The following PLCB1 variants were observed in gnomAD, a reference collection of about 807,000 sequenced individuals.
The protein encoded by PLCB1 is 1-phosphatidylinositol 4,5-bisphosphate phosphodiesterase beta-1.
PLCB1 carries 46 observed loss-of-function variants against 161.8 expected under a neutral mutation model. The ratio of observed to expected loss-of-function variants is 0.28; its 90% CI spans 0.22 to 0.36. The LOEUF is 0.36. PLCB1 is among the 10% of genes least tolerant of loss of function. The pLI is 1.00. For synonymous variants in PLCB1, 517 were observed against 503.7 expected (o/e 1.03, Z -0.35); for missense variants, 1,016 against 1,472.5 (o/e 0.69, Z 5.07).
chr20:8,481,720 CTCTGTCCT>C (rs1982504862), intron 3 of PLCB1, among the ~76,000 whole-genome samples: 2 of 152,174 alleles, frequency 1.3e-5, no homozygotes, highest in Admixed American at 6.5e-5. Flanking sequence ...CTCTGTCCTT[CTCTGTCCT>C]TCACCTGAAT....
In PLCB1 at chr20:8,275,250, A is replaced by AGTGTGTGTGTGTGT. The variant is rs3031931; in HGVS notation, c.178-96108_178-96095dup. Among the ~76,000 whole-genome samples, 416 of 145,454 alleles carry AGTGTGTGTGTGTGT rather than the reference A, an allele frequency of 2.9e-3. 3 individuals are homozygous for AGTGTGTGTGTGTGT. The highest frequency in any genetic ancestry group is 6.5e-3 in the African/African-American group (253 of 39,036). On this transcript the variant is annotated intron_variant, in intron 2 of 31. Transcript: ENST00000338037. ...ACCAGGTTTGCTTTGCATCAGCGTG[A>AGTGTGTGTGTGTGT]GTGTGTGTGTGTGTGTGTGTGTGTG...
intron 3 of PLCB1, among the ~76,000 whole-genome samples, chr20:8,433,977 C>T (rs903362865): frequency 6.6e-6 from 1 of 151,578 alleles, no homozygotes; most frequent in African/African-American, 2.4e-5. Context: ...TTGTTTTTTG[C>T]CCTTATTACC....
intron 3 of PLCB1, among the ~76,000 whole-genome samples, chr20:8,524,752 T>A (rs1984514048): frequency 6.6e-6 from 1 of 152,182 alleles, no homozygotes; most frequent in Non-Finnish European, 1.5e-5. Context: ...GTTTTGTTTG[T>A]ATGAAAAGTG....
At chr20:8,165,146 G>A (rs1342853920) in intron 2 of PLCB1, among the ~76,000 whole-genome samples, 2 of 152,180 alleles carry the variant, frequency 1.3e-5, no homozygotes, top group Non-Finnish European at 2.9e-5. Flanking sequence ...TAATTTTAGT[G>A]GCTTCTAGCC....
intron 5 of PLCB1, among the ~76,000 whole-genome samples, chr20:8,646,976 C>T (rs1164104457): frequency 6.6e-6 from 1 of 152,188 alleles, no homozygotes; most frequent in Non-Finnish European, 1.5e-5. Flanking sequence ...AAGACATACC[C>T]ATCATTCCAG....
In PLCB1 at chr20:8,765,336, G is replaced by T. The variant is rs763567304; in HGVS notation, c.2908G>T (p.Ala970Ser). 2.5e-6 allele frequency: 4 copies of T among 1,610,040 alleles called. No individual in the cohort carries two copies. In the South Asian group the frequency reaches 4.5e-5, roughly 18 times the overall value. The change falls in exon 26 of 32, where the codon GCC (alanine) becomes TCC (serine). Residue 970 changes from alanine to serine, a missense_variant. Coordinates refer to ENST00000338037, the MANE Select transcript of PLCB1 (RefSeq NM_015192.4). The part of the protein sequence containing the change: ...LRRRAALEKS[A>S]KKDSKKKSEP... The stretch of plus-strand genomic sequence containing the variant: ...AAGGAGAGCCGCTTTGGAAAAGTCC[G>T]CCAAAAAGGACAGTAAGAAAAAGTA...
intron 3 of PLCB1, among the ~76,000 whole-genome samples, chr20:8,528,394 G>T (rs1481744634): frequency 6.6e-6 from 1 of 152,074 alleles, no homozygotes; most frequent in African/African-American, 2.4e-5. Context: ...TCTAAAAAAA[G>T]TTGAATGAAA....
intron 4 of PLCB1, among the ~76,000 whole-genome samples, chr20:8,638,954 G>C (rs1988854584): frequency 1.3e-5 from 2 of 149,556 alleles, no homozygotes; most frequent in South Asian, 4.2e-4. Context: ...TTTAATTTGT[G>C]TTTTGTTCAG....
At chr20:8,443,959 C>A (rs766920480) in intron 3 of PLCB1, among the ~76,000 whole-genome samples, 2 of 152,130 alleles carry the variant, frequency 1.3e-5, no homozygotes, top group Non-Finnish European at 2.9e-5. Context: ...CTGCTTACAC[C>A]TCCGACTTTT....
At chr20:8,855,512 CA>C (rs543803841) in intron 31 of PLCB1, among the ~76,000 whole-genome samples, 1 of 151,880 alleles carries the variant, frequency 6.6e-6, no homozygotes, top group Admixed American at 6.6e-5. Context: ...CACTGACACA[CA>C]AAAAAACAAA....
At chr20:8,638,771 C>G (rs764618210) in intron 4 of PLCB1, among the ~76,000 whole-genome samples, 17 of 152,016 alleles carry the variant, frequency 1.1e-4, no homozygotes, top group Non-Finnish European at 2.5e-4. Flanking sequence ...ATGAATTATC[C>G]CAATTCTCTC....
At chr20:8,278,726 G>A (rs887882836) in intron 2 of PLCB1, among the ~76,000 whole-genome samples, 1 of 152,070 alleles carries the variant, frequency 6.6e-6, no homozygotes, top group Non-Finnish European at 1.5e-5. Flanking sequence ...TGCTGGTAGG[G>A]TGAAGATTGG....
At chr20:8,472,800 G>A (rs919707532) in intron 3 of PLCB1, among the ~76,000 whole-genome samples, 1 of 152,178 alleles carries the variant, frequency 6.6e-6, no homozygotes. Context: ...TAGGGACCAG[G>A]AAGGTCACCA....
At chr20:8,709,237 CCT>C (rs1465521003) in intron 12 of PLCB1, among the ~76,000 whole-genome samples, 10 of 152,114 alleles carry the variant, frequency 6.6e-5, no homozygotes, top group African/African-American at 2.2e-4. Context: ...CTGGCTTTCC[CCT>C]GTTTGTTAAT....
intron 2 of PLCB1, among the ~76,000 whole-genome samples, chr20:8,313,583 C>T (rs1984507851): frequency 6.6e-6 from 1 of 152,140 alleles, no homozygotes; most frequent in Admixed American, 6.5e-5. Context: ...AAGAATTGGA[C>T]ACATTGAGAA....
intron 31 of PLCB1, among the ~76,000 whole-genome samples, chr20:8,822,034 C>CT (rs1166587981): frequency 1.0e-4 from 15 of 148,100 alleles, no homozygotes; most frequent in East Asian, 3.9e-4. Context: ...ATCTTTTTTC[C>CT]TTTTTTTTTT....
Position 8,760,397 on chromosome 20 carries a change from T to C in PLCB1, c.2657-10T>C, listed in dbSNP as rs1169236223. ...TGAAGAGGCTATTTATTTTATCTTT[T>C]ATATTACAGGTTCTGTAAAGGCACC... On this transcript the variant is annotated splice_polypyrimidine_tract_variant and intron_variant, in intron 24 of 31. Transcript: ENST00000338037. 3 of 1,575,276 alleles carry C rather than the reference T, an allele frequency of 1.9e-6. No homozygotes were observed. Among genetic ancestry groups the C allele is most frequent in the African/African-American group, 2.7e-5 (2 of 74,052 alleles).
At chr20:8,675,497 C>A (rs1267443920) in intron 9 of PLCB1, among the ~76,000 whole-genome samples, 1 of 152,144 alleles carries the variant, frequency 6.6e-6, no homozygotes, top group Non-Finnish European at 1.5e-5. Context: ...CCCAGCCAGG[C>A]AAAGCAGAAG....
intron 2 of PLCB1, among the ~76,000 whole-genome samples, chr20:8,292,121 G>A (rs1197185837): frequency 6.6e-6 from 1 of 152,022 alleles, no homozygotes; most frequent in African/African-American, 2.4e-5. Context: ...GACCCTCTGT[G>A]GTAATTCTAA....
Sources: gnomAD v4.1 joint callset for allele counts (sites outside exome capture counted in the v4.1 genomes callset) on GRCh38, gnomAD v4.1.1 for gene constraint, MANE v1.5 for transcripts, NCBI Gene and HGNC (gene_info 2026-07-23, HGNC 2026-07-21) for gene names.